Variants in GARRE1 observed in about 807,000 individuals in gnomAD.
GARRE1 encodes granule associated Rac and RHOG effector protein 1.
GARRE1 carries 49 observed loss-of-function variants against 103.2 expected under a neutral mutation model. That is an observed-to-expected ratio of 0.47 (90% confidence interval 0.38 to 0.60). The LOEUF (loss-of-function observed/expected upper bound fraction) is 0.60. Ranked by LOEUF, GARRE1 falls within the 20% of genes least tolerant of loss-of-function variation. GARRE1 has a pLI of 0.00. For missense variants in GARRE1, 1,199 were observed against 1,370.5 expected (o/e 0.87, Z 1.98); for synonymous variants, 505 against 532.8 (o/e 0.95, Z 0.72).
intron 1 of GARRE1, among the ~76,000 whole-genome samples, chr19:34,299,405 A>C (rs2073965044): frequency 6.6e-6 from 1 of 152,140 alleles, no homozygotes; most frequent in South Asian, 2.1e-4. Context: ...CTGAACGTGG[A>C]TCCAGGCCCT....
At chr19:34,306,251 A>C (rs1029276874) in intron 2 of GARRE1, among the ~76,000 whole-genome samples, 3 of 152,162 alleles carry the variant, frequency 2.0e-5, no homozygotes, top group African/African-American at 7.2e-5. Context: ...CAAGGCCTCT[A>C]CTCAGGAGCT....
chr19:34,330,854 C>T (rs912793409), intron 7 of GARRE1, among the ~76,000 whole-genome samples: 1 of 151,254 alleles, frequency 6.6e-6, no homozygotes, highest in Non-Finnish European at 1.5e-5. Context: ...CCTGCCTCAG[C>T]CTCCCAAGTA....
chr19:34,280,728 T>G (rs13347099), intron 1 of GARRE1, among the ~76,000 whole-genome samples: 7,517 of 152,212 alleles, frequency 0.049, 591 homozygotes, highest in African/African-American at 0.17. Context: ...CACTTATTTT[T>G]CGGGTTTTCT....
intron 1 of GARRE1, among the ~76,000 whole-genome samples, chr19:34,293,715 A>AAC (rs146336774): frequency 0.041 from 4,077 of 100,324 alleles, 109 homozygotes; most frequent in Admixed American, 0.1. Flanking sequence ...TAAACATATA[A>AAC]ACACACACAC....
At chr19:34,322,270 C>T (rs1013447852) in intron 3 of GARRE1, among the ~76,000 whole-genome samples, 2 of 152,074 alleles carry the variant, frequency 1.3e-5, no homozygotes, top group African/African-American at 4.8e-5. Flanking sequence ...CTCCCAGATT[C>T]AAGCCATTCT....
At position 34,353,051 on chromosome 19, in the gene GARRE1, CCT is replaced by C; in HGVS notation, c.*98_*99del. On this transcript the variant is annotated 3_prime_UTR_variant, in exon 14 of 14. Transcript: ENST00000299505. ...CAGGGCCACTTAGCTGACACCAGCC[CCT>C]CAGAGGACCAGTGCGCCCCATCCCA... The C allele has an allele frequency of 8.5e-7, 1 of 1,171,412 alleles. No individual in the cohort carries two copies. Among genetic ancestry groups the C allele is most frequent in the East Asian group, 2.6e-5 (1 of 38,874 alleles). The allele number at this position is 1,171,412 out of a possible 1,614,324, so 72.6% of individuals were successfully genotyped here.
chr19:34,265,324 C>T lies in GARRE1; in HGVS notation c.-796+10710C>T, dbSNP rs915922635. Reference sequence around the variant, plus strand: ...CTCTGGTGACCTAGGCAGGAAGAGGCGGAAGTGGTTCCTCTCACCAGCCAC... The same window carrying T: ...CTCTGGTGACCTAGGCAGGAAGAGGTGGAAGTGGTTCCTCTCACCAGCCAC... On this transcript the variant is annotated intron_variant, in intron 1 of 13. Transcript: ENST00000299505. 3.3e-5 allele frequency among the ~76,000 whole-genome samples: 5 copies of T among 152,246 alleles called. No individual in the cohort carries two copies. In the South Asian group the frequency reaches 6.2e-4, roughly 19 times the overall value.
In GARRE1 at chr19:34,278,442, C is replaced by G. The variant is rs1449356021; in HGVS notation, c.-795-21237C>G. On this transcript the variant is annotated intron_variant, in intron 1 of 13. Coordinates refer to ENST00000299505, the MANE Select transcript of GARRE1 (RefSeq NM_014686.5). ...CCTGGGTGACAGAGCAAGACTCCAT[C>G]TCAAAAAAAAAAAAAAAAAAAAAAA... 1.5e-4 allele frequency among the ~76,000 whole-genome samples: 9 copies of G among 61,644 alleles called. No individual in the cohort carries two copies. The East Asian group carries it at 2.8e-3, about 19-fold the overall frequency. 40.4% of individuals were successfully genotyped at this position (61,644 alleles called of 152,430 possible). A position where few individuals can be genotyped will look rare whatever the true frequency, so the allele number is the denominator to read the frequency against.
chr19:34,325,897 C>T (rs568537572), intron 3 of GARRE1, among the ~76,000 whole-genome samples: 2 of 152,310 alleles, frequency 1.3e-5, no homozygotes, highest in East Asian at 3.9e-4. Flanking sequence ...CACACACATG[C>T]AATTCCATTC....
chr19:34,305,249 C>T (rs1462664994), intron 2 of GARRE1, among the ~76,000 whole-genome samples: 1 of 152,226 alleles, frequency 6.6e-6, no homozygotes, highest in African/African-American at 2.4e-5. Context: ...CCATTCCAGA[C>T]TACCGTCTGT....
intron 1 of GARRE1, among the ~76,000 whole-genome samples, chr19:34,284,803 A>G (rs1196989458): frequency 6.6e-6 from 1 of 152,260 alleles, no homozygotes; most frequent in Non-Finnish European, 1.5e-5. Context: ...TGGTTTGAAC[A>G]TATTTTAGCC....
At chr19:34,315,388 G>A (rs2074055293) in intron 2 of GARRE1, among the ~76,000 whole-genome samples, 1 of 152,140 alleles carries the variant, frequency 6.6e-6, no homozygotes, top group Non-Finnish European at 1.5e-5. Context: ...TGACATGTAG[G>A]TTGATCTGCA....
At chr19:34,318,947 G>A (rs2145258892) in intron 2 of GARRE1, among the ~76,000 whole-genome samples, 1 of 152,180 alleles carries the variant, frequency 6.6e-6, no homozygotes, top group African/African-American at 2.4e-5. Flanking sequence ...CCCAGGATGT[G>A]GAGGTTGCAG....
At chr19:34,336,520 T>C (rs1599779077) in intron 8 of GARRE1, among the ~76,000 whole-genome samples, 1 of 149,658 alleles carries the variant, frequency 6.7e-6, no homozygotes, top group African/African-American at 2.5e-5. Flanking sequence ...CACACTGGAG[T>C]GCAATGGTGT....
rs943983431 is a variant in GARRE1 at position 34,353,323 on chromosome 19, G to A, written c.*368G>A. ...CTGCTGTGTGTTGGGAAGACATCAGGCCTGAAAGCTGAGGGCATAACTGAC... is the reference window on the plus strand; with the variant it reads ...CTGCTGTGTGTTGGGAAGACATCAGACCTGAAAGCTGAGGGCATAACTGAC... On this transcript the variant is annotated 3_prime_UTR_variant, in exon 14 of 14. Coordinates refer to ENST00000299505, the MANE Select transcript of GARRE1 (RefSeq NM_014686.5). 3 of 273,600 alleles carry A rather than the reference G, an allele frequency of 1.1e-5. No homozygotes were observed. Among genetic ancestry groups the A allele is most frequent in the African/African-American group, 2.2e-5 (1 of 46,052 alleles). The allele number at this position is 273,600 out of a possible 1,614,324, so 16.9% of individuals were successfully genotyped here.
At chr19:34,263,486 T>C (rs1475099213) in intron 1 of GARRE1, among the ~76,000 whole-genome samples, 5 of 151,480 alleles carry the variant, frequency 3.3e-5, no homozygotes, top group East Asian at 3.9e-4. Context: ...TTTTTTCTTT[T>C]TTTTTTTTTG....
intron 1 of GARRE1, among the ~76,000 whole-genome samples, chr19:34,290,874 C>CTTTTTTTTTTTTTTTTTTTTTTTTTT (rs71165641): frequency 1.6e-5 from 1 of 63,214 alleles, no homozygotes; most frequent in African/African-American, 6.4e-5. Flanking sequence ...AAGCATATTG[C>CTTTTTTTTTTTTTTTTTTTTTTTTTT]TTTTTTTTTT....
chr19:34,340,506 T>C (rs1007838947), intron 9 of GARRE1, among the ~76,000 whole-genome samples: 1 of 151,390 alleles, frequency 6.6e-6, no homozygotes, highest in Non-Finnish European at 1.5e-5. Flanking sequence ...CTTGTCATCT[T>C]GTCTTTTTAG....
intron 1 of GARRE1, among the ~76,000 whole-genome samples, chr19:34,255,727 T>A (rs2073667989): frequency 6.6e-6 from 1 of 151,604 alleles, no homozygotes; most frequent in Non-Finnish European, 1.5e-5. Context: ...TCAAAACTTC[T>A]GGCCTCAAGC....
Sources: allele counts gnomAD v4.1 joint callset (sites outside exome capture counted in the v4.1 genomes callset), GRCh38; gene constraint gnomAD v4.1.1; transcripts MANE v1.5; gene names NCBI Gene and HGNC (gene_info 2026-07-23, HGNC 2026-07-21).